Variants in GLRA2 observed in about 807,000 individuals in gnomAD.
GLRA2 encodes the protein glycine receptor subunit alpha-2.
In GLRA2, 11 loss-of-function variants were observed where a neutral mutation model predicts 31.6. That is an observed-to-expected ratio of 0.35 (90% CI 0.22 to 0.58). The LOEUF is 0.58. Ranked by LOEUF, GLRA2 falls within the 20% of genes least tolerant of loss-of-function variation. The pLI is 0.84. For missense variants in GLRA2, 212 were observed against 351.8 expected (o/e 0.60, Z 3.18); for synonymous variants, 132 against 134.0 (o/e 0.99, Z 0.10).
chrX:14,653,155 T>C (rs997022126), intron 7 of GLRA2, among the ~76,000 whole-genome samples: 2 of 111,960 alleles, frequency 1.8e-5, no homozygotes, highest in South Asian at 7.5e-4. Context: ...TTTTTTTTAA[T>C]GCCTGCTAAT....
rs185879145 is a variant in GLRA2, at chrX:14,731,452, G to A, written c.*967G>A. The A allele has an allele frequency of 8.9e-6, 1 of 111,941 alleles. No individual in the cohort carries two copies. Among genetic ancestry groups the A allele is most frequent in the African/African-American group, 3.3e-5 (1 of 30,743 alleles). The allele number at this position is 111,941 out of a possible 1,213,427, so 9.2% of individuals were successfully genotyped here. ...GTGTGTCCTGAACAGTGTAGCTCAGGTCAGCTTGAACTTTCCATTTCTGCT... is the reference window on the plus strand; with the variant it reads ...GTGTGTCCTGAACAGTGTAGCTCAGATCAGCTTGAACTTTCCATTTCTGCT... On this transcript the variant is annotated 3_prime_UTR_variant, in exon 9 of 9. Transcript: ENST00000218075.
intron 8 of GLRA2, among the ~76,000 whole-genome samples, chrX:14,708,559 G>C (rs772542968): frequency 2.7e-5 from 3 of 111,790 alleles, no homozygotes; most frequent in Non-Finnish European, 5.6e-5. Context: ...TCATCACTCC[G>C]TGACCTGCCT....
At chrX:14,614,011 G>A (rs2090429453) in intron 7 of GLRA2, among the ~76,000 whole-genome samples, 1 of 111,871 alleles carries the variant, frequency 8.9e-6, no homozygotes, top group South Asian at 3.7e-4. Flanking sequence ...TATCTAGTCT[G>A]AAACAAAACT....
the GLRA2 span, among the ~76,000 whole-genome samples, chrX:14,500,124 C>T: frequency 1.8e-5 from 2 of 112,031 alleles, no homozygotes; most frequent in East Asian, 5.6e-4. Flanking sequence ...ATATTTTTAT[C>T]CAGACTACCA....
chrX:14,606,076 A>C (rs1398235964), intron 5 of GLRA2, among the ~76,000 whole-genome samples: 1 of 107,964 alleles, frequency 9.3e-6, no homozygotes, highest in African/African-American at 3.4e-5. Context: ...AGTAGATTAC[A>C]ATTAAACTTG....
At chrX:14,572,944 A>G (rs2089902522) in intron 2 of GLRA2, among the ~76,000 whole-genome samples, 1 of 111,814 alleles carries the variant, frequency 8.9e-6, no homozygotes, top group Admixed American at 9.5e-5. Context: ...AAAAGTGTGC[A>G]TAAGAACACA....
chrX:14,699,802 A>G (rs1330008631), intron 8 of GLRA2, among the ~76,000 whole-genome samples: 3 of 111,846 alleles, frequency 2.7e-5, no homozygotes, highest in East Asian at 5.6e-4. Context: ...TAGATTCCAC[A>G]TATGAGTGAG....
At chrX:14,465,846 C>A in the GLRA2 span, among the ~76,000 whole-genome samples, 1 of 111,372 alleles carries the variant, frequency 9.0e-6, no homozygotes, top group Non-Finnish European at 1.9e-5. Flanking sequence ...CTTTGGAGAC[C>A]CCAGCTAAAG....
At chrX:14,535,980 C>T (rs2089318072) in intron 2 of GLRA2, among the ~76,000 whole-genome samples, 1 of 111,693 alleles carries the variant, frequency 9.0e-6, no homozygotes, top group South Asian at 3.7e-4. Flanking sequence ...AGTTTTCATC[C>T]CAATGTGAAT....
At chrX:14,696,166 GAGA>G (rs2091442667) in intron 8 of GLRA2, among the ~76,000 whole-genome samples, 1 of 98,260 alleles carries the variant, frequency 1.0e-5, no homozygotes, top group South Asian at 6.0e-4. Flanking sequence ...ACCAAGAAAG[GAGA>G]AGAAGGGAGG....
intron 7 of GLRA2, among the ~76,000 whole-genome samples, chrX:14,656,862 A>G (rs759028618): frequency 8.9e-6 from 1 of 112,203 alleles, no homozygotes; most frequent in Non-Finnish European, 1.9e-5. Context: ...AATAGAGCAC[A>G]GTTAAGTGTT....
chrX:14,540,669 G>A (rs889744747), intron 2 of GLRA2, among the ~76,000 whole-genome samples: 5 of 111,257 alleles, frequency 4.5e-5, no homozygotes, highest in Non-Finnish European at 9.5e-5. Context: ...GACAAATTTA[G>A]TAAGCCTTCT....
intron 7 of GLRA2, among the ~76,000 whole-genome samples, chrX:14,649,185 G>A (rs2090864318): frequency 9.1e-6 from 1 of 109,841 alleles, no homozygotes; most frequent in Non-Finnish European, 1.9e-5. Context: ...CTGCACTCCA[G>A]CCTGATGACA....
intron 3 of GLRA2, among the ~76,000 whole-genome samples, chrX:14,576,453 G>A (rs1272515068): frequency 1.8e-5 from 2 of 111,249 alleles, no homozygotes; most frequent in Non-Finnish European, 3.8e-5. Context: ...ATAAGAGAGG[G>A]GGCAAAGCTT....
chrX:14,658,915 C>T (rs146650713), intron 7 of GLRA2, among the ~76,000 whole-genome samples: 201 of 112,111 alleles, frequency 1.8e-3, no homozygotes, highest in Middle Eastern at 9.3e-3. Flanking sequence ...GGATCAGAGA[C>T]GGTTATCTCT....
intron 7 of GLRA2, among the ~76,000 whole-genome samples, chrX:14,629,842 A>G (rs2090624761): frequency 8.9e-6 from 1 of 111,918 alleles, no homozygotes; most frequent in Non-Finnish European, 1.9e-5. Flanking sequence ...ATAGTATAAG[A>G]GCCCTACAAG....
chrX:14,647,575 C>CAA (rs1322864017), intron 7 of GLRA2, among the ~76,000 whole-genome samples: 1 of 111,751 alleles, frequency 8.9e-6, no homozygotes, highest in Non-Finnish European at 1.9e-5. Context: ...AAACATGCTA[C>CAA]AAGTCAGGAG....
rs776745979 is a variant in GLRA2 at position 14,553,912 on chromosome X, C to A, written c.203-20421C>A. On this transcript the variant is annotated intron_variant, in intron 2 of 8. Transcript: ENST00000218075. ...TTATTAACACACCTTTTATTGTTTG[C>A]CTAACCTGTCTTACTTCCCGACGTC... Among the ~76,000 whole-genome samples, 10 of 111,843 alleles carry A rather than the reference C, an allele frequency of 8.9e-5. No homozygotes were observed. In the South Asian group the frequency reaches 3.4e-3, roughly 38 times the overall value.
chrX:14,690,861 T>C lies in GLRA2; in HGVS notation c.1080+2T>C. 8.3e-7 allele frequency: 1 copy of C among 1,208,767 alleles called. No individual in the cohort carries two copies. On this transcript the variant is annotated splice_donor_variant, in intron 8 of 8. Transcript: ENST00000218075. LOFTEE classifies it high-confidence loss of function. ...AGAAGACAGAAGAGGCAGAATAAGG[T>C]ATGATTGCCCCTCAGTTCAGACAAT...
Sources: gnomAD v4.1 joint callset for allele counts (sites outside exome capture counted in the v4.1 genomes callset) on GRCh38, gnomAD v4.1.1 for gene constraint, MANE v1.5 for transcripts, NCBI Gene and HGNC (gene_info 2026-07-23, HGNC 2026-07-21) for gene names.